HEPHL1: variants seen among roughly 807,000 people sequenced by gnomAD.
HEPHL1 encodes the protein hephaestin like 1, also known as ferroxidase HEPHL1.
A neutral mutation model predicts 122.0 loss-of-function variants in HEPHL1; 123 were observed. The observed-to-expected ratio is 1.01, with a 90% CI of 0.87 to 1.17. The LOEUF is 1.17. Ranked by LOEUF, HEPHL1 falls within the 50% of genes most tolerant of loss-of-function variation. The probability of loss-of-function intolerance (pLI) is 0.00; values close to 1 mark genes in which losing one functional copy is unlikely to be tolerated. For synonymous variants in HEPHL1, 527 were observed against 508.9 expected, an observed-to-expected ratio of 1.04 and a Z score of -0.48; for missense variants, 1,452 against 1,430.5, an observed-to-expected ratio of 1.01 and a Z score of -0.24.
At position 94,114,094 on chromosome 11, in the gene HEPHL1, C is replaced by CTTCA. The variant is rs2134458971; in HGVS notation, c.*2204_*2207dup. 6.6e-6 allele frequency among the ~76,000 whole-genome samples: 1 copy of CTTCA among 152,332 alleles called. No individual in the cohort carries two copies. Among genetic ancestry groups the CTTCA allele is most frequent in the African/African-American group, 2.4e-5 (1 of 41,568 alleles). On this transcript the variant is annotated 3_prime_UTR_variant, in exon 20 of 20. Coordinates refer to ENST00000315765, the MANE Select transcript of HEPHL1 (RefSeq NM_001098672.2). ...CTCATTGCTTCTTGCTTTCTCAAGA[C>CTTCA]TTCATTCCCTTGGGTATCCATTTTT...
At chr11:94,022,864 G>GT (rs1166503452) in intron 1 of HEPHL1, among the ~76,000 whole-genome samples, 1 of 152,224 alleles carries the variant, frequency 6.6e-6, no homozygotes, top group East Asian at 1.9e-4. Flanking sequence ...AACAGTCAAT[G>GT]TGAGCAGCTA....
At chr11:94,067,433 A>G (rs1186087999) in intron 4 of HEPHL1, 63 bp from the exon 5 acceptor site, 38 of 1,550,850 alleles carry the variant, frequency 2.5e-5, no homozygotes, top group Admixed American at 6.8e-5. Context: ...CGTATTACCA[A>G]CATTTCTGGT....
chr11:94,027,682 C>G (rs1336442723), intron 1 of HEPHL1, among the ~76,000 whole-genome samples: 1 of 152,208 alleles, frequency 6.6e-6, no homozygotes. Context: ...ATTTCACAAC[C>G]AGCAAGTGAG....
chr11:94,053,492 G>C (rs368708555), intron 2 of HEPHL1, among the ~76,000 whole-genome samples: 2 of 151,210 alleles, frequency 1.3e-5, no homozygotes, highest in East Asian at 3.9e-4. Flanking sequence ...CTTTCTACTT[G>C]CTTTGGGTTT....
rs750864606 is a variant in HEPHL1 at position 94,112,961 on chromosome 11, T to A, written c.*1067T>A. On this transcript the variant is annotated 3_prime_UTR_variant, in exon 20 of 20. Transcript: ENST00000315765. ...GGACCTCTAAATATCCTAGATTCTATGGCTTTTAAAGACATACCTCTTCAT... is the reference window on the plus strand; with the variant it reads ...GGACCTCTAAATATCCTAGATTCTAAGGCTTTTAAAGACATACCTCTTCAT... 3 of 152,126 alleles carry A rather than the reference T, an allele frequency of 2.0e-5. No homozygotes were observed. The highest frequency in any genetic ancestry group is 4.4e-5 in the Non-Finnish European group (3 of 68,034). 9.4% of individuals were successfully genotyped at this position (152,126 alleles called of 1,614,324 possible).
Position 94,114,033 on chromosome 11 carries a change from C to A in HEPHL1, c.*2139C>A, listed in dbSNP as rs1946472393. Among the ~76,000 whole-genome samples the A allele has an allele frequency of 6.6e-6, 1 of 152,220 alleles. No individual in the cohort carries two copies. The highest frequency in any genetic ancestry group is 2.4e-5 in the African/African-American group (1 of 41,454). On this transcript the variant is annotated 3_prime_UTR_variant, in exon 20 of 20. Coordinates refer to ENST00000315765, the MANE Select transcript of HEPHL1 (RefSeq NM_001098672.2). ...TCCTATTACAATACACGTGTCCCTG[C>A]TCCTAGCAGGACAGTCTCTTCATTT... is the stretch of plus-strand genomic sequence containing the variant.
intron 4 of HEPHL1, among the ~76,000 whole-genome samples, chr11:94,064,833 G>A (rs564645318): frequency 2.8e-4 from 42 of 152,190 alleles, no homozygotes; most frequent in Non-Finnish European, 5.4e-4. Context: ...GGTGGGCTTA[G>A]ACTGACTGGA....
chr11:94,025,135 A>T (rs2462756), intron 1 of HEPHL1, among the ~76,000 whole-genome samples: 139,535 of 152,196 alleles, frequency 0.92, 64,534 homozygotes, highest in Non-Finnish European at 0.98. Flanking sequence ...GATGGTGCAA[A>T]TTAACTTTTA....
intron 13 of HEPHL1, among the ~76,000 whole-genome samples, chr11:94,097,892 T>G (rs562893211): frequency 6.6e-6 from 1 of 152,196 alleles, no homozygotes; most frequent in Non-Finnish European, 1.5e-5. Context: ...ATCCCTTTAT[T>G]CTGAGCCTGT....
chr11:94,075,086 G>C, intron 8 of HEPHL1, 88 bp from the exon 9 acceptor site: 1 of 1,120,274 alleles, frequency 8.9e-7, no homozygotes, highest in African/African-American at 1.5e-5. Flanking sequence ...CATCATCAGA[G>C]GGAGGCACCC....
At chr11:94,083,581 T>G (rs980879842) in intron 10 of HEPHL1, among the ~76,000 whole-genome samples, 10 of 152,168 alleles carry the variant, frequency 6.6e-5, no homozygotes, top group Admixed American at 1.3e-4. Context: ...TAAAATCTAT[T>G]TATTGCCTTT....
chr11:94,100,924 A>ATTACTAAACTGTC (rs1462107422), intron 13 of HEPHL1, among the ~76,000 whole-genome samples: 2 of 152,208 alleles, frequency 1.3e-5, no homozygotes, highest in African/African-American at 4.8e-5. Flanking sequence ...GATGTTACAG[A>ATTACTAAACTGTC]TGAGGAAACT....
intron 15 of HEPHL1, among the ~76,000 whole-genome samples, chr11:94,103,831 G>T (rs1358498001): frequency 6.6e-6 from 1 of 152,194 alleles, no homozygotes; most frequent in Non-Finnish European, 1.5e-5. Context: ...TCAGGAGATA[G>T]AAATACAAGG....
intron 10 of HEPHL1, among the ~76,000 whole-genome samples, chr11:94,083,251 T>C (rs1283097027): frequency 6.6e-6 from 1 of 152,220 alleles, no homozygotes; most frequent in Non-Finnish European, 1.5e-5. Context: ...TTAAGTAGTA[T>C]GAATGATTTA....
At chr11:94,101,423 T>C in intron 14 of HEPHL1, 88 bp downstream of exon 14, 3 of 1,304,630 alleles carry the variant, frequency 2.3e-6, no homozygotes, top group East Asian at 4.7e-5. Flanking sequence ...AAAGAGCTCA[T>C]CTTAATGTCA....
At chr11:94,025,804 CAT>C (rs1056738646) in intron 1 of HEPHL1, among the ~76,000 whole-genome samples, 3 of 152,152 alleles carry the variant, frequency 2.0e-5, no homozygotes, top group African/African-American at 7.2e-5. Flanking sequence ...AAAAGAATAT[CAT>C]CTGGTAAGTG....
At chr11:94,097,569 C>T (rs560566059) in intron 13 of HEPHL1, among the ~76,000 whole-genome samples, 2 of 152,212 alleles carry the variant, frequency 1.3e-5, no homozygotes, top group African/African-American at 4.8e-5. Flanking sequence ...TCCTGGATAT[C>T]CTTGTTAACT....
chr11:94,030,970 C>T (rs967594542), intron 1 of HEPHL1, among the ~76,000 whole-genome samples: 11 of 152,194 alleles, frequency 7.2e-5, no homozygotes, highest in African/African-American at 1.7e-4. Flanking sequence ...AGATGCCATG[C>T]TCTCTGCTCC....
chr11:94,025,153 T>G (rs1239483010), intron 1 of HEPHL1, among the ~76,000 whole-genome samples: 1 of 152,194 alleles, frequency 6.6e-6, no homozygotes, highest in African/African-American at 2.4e-5. Context: ...TTATGCTTGG[T>G]ACCTATGCTT....
Sources: gnomAD v4.1 joint callset for allele counts (sites outside exome capture counted in the v4.1 genomes callset) on GRCh38, gnomAD v4.1.1 for gene constraint, MANE v1.5 for transcripts, NCBI Gene and HGNC (gene_info 2026-07-23, HGNC 2026-07-21) for gene names.